ADAMTS2: variants seen among roughly 807,000 people sequenced by gnomAD.
The protein encoded by ADAMTS2 is ADAM metallopeptidase with thrombospondin type 1 motif 2.
In ADAMTS2, 50 loss-of-function variants were observed where a neutral mutation model predicts 123.0. The observed-to-expected ratio is 0.41, with a 90% CI of 0.32 to 0.51. ADAMTS2 has a LOEUF of 0.51. Ranked by LOEUF, ADAMTS2 falls within the 20% of genes least tolerant of loss-of-function variation. The probability of loss-of-function intolerance (pLI) is 0.35; values close to 1 mark genes in which losing one functional copy is unlikely to be tolerated. For missense variants in ADAMTS2, 1,494 were observed against 1,705.2 expected, an observed-to-expected ratio of 0.88 and a Z score of 2.18; for synonymous variants, 678 against 695.4, an observed-to-expected ratio of 0.98 and a Z score of 0.39.
chr5:179,305,174 A>C (rs1018625629), intron 2 of ADAMTS2, among the ~76,000 whole-genome samples: 2 of 152,096 alleles, frequency 1.3e-5, no homozygotes, highest in African/African-American at 4.8e-5. Context: ...ATGTGTGGCC[A>C]GCAGATCTAC....
intron 2 of ADAMTS2, among the ~76,000 whole-genome samples, chr5:179,341,037 A>T (rs1011197957): frequency 2.6e-5 from 4 of 152,206 alleles, no homozygotes; most frequent in Non-Finnish European, 4.4e-5. Context: ...ACTTCCGTCT[A>T]GTCACTCAAC....
rs191961189 is a variant in ADAMTS2, at chr5:179,186,659, G to A, written c.892-5504C>T. Among the ~76,000 whole-genome samples, 480 of 152,328 alleles carry A rather than the reference G, an allele frequency of 3.2e-3. 3 individuals are homozygous for A. The highest frequency in any genetic ancestry group is 0.011 in the African/African-American group (458 of 41,564). Reference sequence around the variant, plus strand: ...CTGGCGTCCTCAGTAAGGACACAGCGGCAACATTTCTGCAGAGCAGAGAGT... The same window carrying A: ...CTGGCGTCCTCAGTAAGGACACAGCAGCAACATTTCTGCAGAGCAGAGAGT... On this transcript the variant is annotated intron_variant, in intron 4 of 21. Coordinates refer to ENST00000251582, the MANE Select transcript of ADAMTS2 (RefSeq NM_014244.5).
intron 2 of ADAMTS2, among the ~76,000 whole-genome samples, chr5:179,321,330 C>G (rs571229021): frequency 6.6e-6 from 1 of 152,140 alleles, no homozygotes. Context: ...TCTGCCCCAC[C>G]GCAGCATGTG....
Position 179,314,375 on chromosome 5 carries a change from CAGAGG to C in ADAMTS2, c.534+29387_534+29391del, listed in dbSNP as rs553294495. 2.6e-4 allele frequency among the ~76,000 whole-genome samples: 39 copies of C among 152,356 alleles called. No homozygotes were observed. The East Asian group carries it at 6.4e-3, about 25-fold the overall frequency. ...CCGCCAGCTCTGAGCTAAGTGAGCG[CAGAGG>C]AGAGTGCAGGGAGCGGCAAGGCCAG... On this transcript the variant is annotated intron_variant, in intron 2 of 21. Transcript: ENST00000251582. The surrounding 1 kb of genome is among the most constrained non-coding windows in gnomAD (Gnocchi z 4.5).
intron 4 of ADAMTS2, among the ~76,000 whole-genome samples, chr5:179,205,973 G>T (rs961526180): frequency 1.3e-5 from 2 of 151,904 alleles, no homozygotes; most frequent in South Asian, 2.1e-4. Flanking sequence ...GGGTTTCACC[G>T]TGGTCTCGAT....
chr5:179,205,803 G>A (rs192489674), intron 4 of ADAMTS2, among the ~76,000 whole-genome samples: 7 of 128,516 alleles, frequency 5.4e-5, no homozygotes, highest in South Asian at 2.6e-4. Context: ...ACGGAGTCTC[G>A]CTCTGTCACT....
chr5:179,294,259 G>GA (rs1222640787), intron 2 of ADAMTS2, among the ~76,000 whole-genome samples: 1 of 152,102 alleles, frequency 6.6e-6, no homozygotes, highest in Non-Finnish European at 1.5e-5. Flanking sequence ...CTTTCAAAAA[G>GA]AAAAAATATG....
chr5:179,174,201 A>G (rs1025191060), intron 5 of ADAMTS2, among the ~76,000 whole-genome samples: 1 of 152,062 alleles, frequency 6.6e-6, no homozygotes, highest in African/African-American at 2.4e-5. Context: ...CTTTAACAGT[A>G]GAGTTAGATA....
At chr5:179,291,239 T>C (rs925560558) in intron 2 of ADAMTS2, among the ~76,000 whole-genome samples, 4 of 152,206 alleles carry the variant, frequency 2.6e-5, no homozygotes, top group Non-Finnish European at 4.4e-5. Flanking sequence ...GTGGCACTTG[T>C]GGGCTCCTGC....
intron 10 of ADAMTS2, among the ~76,000 whole-genome samples, chr5:179,144,121 C>T (rs1489707955): frequency 6.6e-6 from 1 of 152,052 alleles, no homozygotes; most frequent in Non-Finnish European, 1.5e-5. Context: ...AAATCAACTG[C>T]ATTTCTATAA....
Position 179,312,029 on chromosome 5 carries a change from C to A in ADAMTS2, c.534+31738G>T, listed in dbSNP as rs988694143. 6.6e-6 allele frequency among the ~76,000 whole-genome samples: 1 copy of A among 152,218 alleles called. No homozygotes were observed. The highest frequency in any genetic ancestry group is 1.5e-5 in the Non-Finnish European group (1 of 68,042). ...AACCCTGTGCCGCTAAGGGCATACT[C>A]TAGACCCTCTGCCCCAGGCTAATGT... On this transcript the variant is annotated intron_variant, in intron 2 of 21. Transcript: ENST00000251582. The surrounding 1 kb of genome is among the most constrained non-coding windows in gnomAD (Gnocchi z 4.2).
At chr5:179,140,579 G>C (rs904631180) in intron 10 of ADAMTS2, among the ~76,000 whole-genome samples, 1 of 152,122 alleles carries the variant, frequency 6.6e-6, no homozygotes, top group Non-Finnish European at 1.5e-5. Flanking sequence ...ATTCCTCTAG[G>C]GGGAGGAAGC....
chr5:179,116,463 C>T (rs1762661816), intron 21 of ADAMTS2, among the ~76,000 whole-genome samples: 4 of 152,222 alleles, frequency 2.6e-5, no homozygotes, highest in Admixed American at 6.5e-5. Context: ...AGGCAGGCAT[C>T]GCCTGACCTC....
intron 3 of ADAMTS2, among the ~76,000 whole-genome samples, chr5:179,267,261 A>T (rs1270366545): frequency 6.6e-6 from 1 of 152,206 alleles, no homozygotes; most frequent in Non-Finnish European, 1.5e-5. Flanking sequence ...TGTGGGCTGC[A>T]GGTGGCAGCC....
chr5:179,297,804 C>A (rs1054547045), intron 2 of ADAMTS2, among the ~76,000 whole-genome samples: 2 of 152,190 alleles, frequency 1.3e-5, no homozygotes, highest in Non-Finnish European at 2.9e-5. Flanking sequence ...GCCTCCCCTG[C>A]TGCGTCTTCG....
chr5:179,344,233 C>T (rs1431726198), intron 1 of ADAMTS2, 72 bp from the exon 2 acceptor site: 4 of 1,514,148 alleles, frequency 2.6e-6, no homozygotes, highest in Non-Finnish European at 3.5e-6. Context: ...GCCGGCAAGC[C>T]ACGCCCCCCC....
chr5:179,164,225 C>A (rs1424418734), intron 5 of ADAMTS2, among the ~76,000 whole-genome samples: 3 of 152,222 alleles, frequency 2.0e-5, no homozygotes, highest in African/African-American at 4.8e-5. Context: ...AGCCCAGGGG[C>A]AGAGATCTTG....
intron 3 of ADAMTS2, among the ~76,000 whole-genome samples, chr5:179,268,984 T>C (rs2113505519): frequency 6.6e-6 from 1 of 152,326 alleles, no homozygotes; most frequent in South Asian, 2.1e-4. Flanking sequence ...GCTTTGCAGA[T>C]GTGCTTGCAG....
chr5:179,129,960 C>A lies in ADAMTS2; in HGVS notation c.2429G>T (p.Gly810Val). The A allele has an allele frequency of 6.2e-7, 1 of 1,613,952 alleles. No homozygotes were observed. Among genetic ancestry groups the A allele is most frequent in the Non-Finnish European group, 8.5e-7 (1 of 1,180,028 alleles). The change falls in exon 16 of 22, where the codon GGC becomes GTC. Residue 810 changes from glycine to valine, a missense_variant. This residue lies in a region of ADAMTS2 where 953 missense variants were observed against 1,124.7 expected (regional missense o/e 0.85). Coordinates refer to ENST00000251582, the MANE Select transcript of ADAMTS2 (RefSeq NM_014244.5). This position sits in a 1 kb window ranked among gnomAD's most constrained non-coding sequence, Gnocchi z 4.1. ...AACGGTGATGGTGCCGTGGAGGGGG[C>A]CCATGGTCTGCAGCGTCTCCCGGCC... ...EDGRETLQTM[G>V]PLHGTITVLV... is the part of the protein sequence containing the mutation.
Sources: gnomAD v4.1 joint callset for allele counts (sites outside exome capture counted in the v4.1 genomes callset) on GRCh38, gnomAD v4.1.1 for gene constraint, gnomAD v4.1.1 regional missense constraint, Gnocchi (gnomAD v3.1) non-coding constraint, MANE v1.5 for transcripts, NCBI Gene and HGNC (gene_info 2026-07-23, HGNC 2026-07-21) for gene names.